NBAS: variants seen among roughly 807,000 people sequenced by gnomAD.
The protein encoded by NBAS is NAG/BC035112 fusion.
In NBAS, 219 loss-of-function variants were observed where a neutral mutation model predicts 302.5. The ratio of observed to expected loss-of-function variants is 0.72; its 90% CI spans 0.65 to 0.81. The LOEUF is 0.81. Ranked by LOEUF, NBAS falls within the 30% of genes least tolerant of loss-of-function variation. The pLI is 0.00. For synonymous variants in NBAS, 1,118 were observed against 1,021.6 expected (o/e 1.09, Z -1.80); for missense variants, 2,932 against 2,841.6 (o/e 1.03, Z -0.72).
the NBAS span, among the ~76,000 whole-genome samples, chr2:15,031,698 T>C: frequency 6.6e-6 from 1 of 152,240 alleles, no homozygotes; most frequent in Non-Finnish European, 1.5e-5. Flanking sequence ...ACCCAACTTA[T>C]TCATGCCTGT....
At chr2:15,481,159 C>T (rs1183924708) in intron 12 of NBAS, among the ~76,000 whole-genome samples, 1 of 152,168 alleles carries the variant, frequency 6.6e-6, no homozygotes, top group Non-Finnish European at 1.5e-5. Flanking sequence ...ATCAGCACTT[C>T]GTTCCTTTTT....
chr2:15,253,489 G>A (rs1305829365), intron 44 of NBAS, among the ~76,000 whole-genome samples: 1 of 152,082 alleles, frequency 6.6e-6, no homozygotes, highest in African/African-American at 2.4e-5. Context: ...CATTAACCTT[G>A]GGCCAGTGGT....
chr2:15,349,809 A>G (rs1673264512), intron 35 of NBAS, among the ~76,000 whole-genome samples: 1 of 152,184 alleles, frequency 6.6e-6, no homozygotes, highest in Non-Finnish European at 1.5e-5. Flanking sequence ...AATTAATTAA[A>G]TACATTTAAT....
chr2:15,240,794 T>TA (rs958676245), intron 44 of NBAS, among the ~76,000 whole-genome samples: 5 of 152,158 alleles, frequency 3.3e-5, no homozygotes, highest in South Asian at 4.1e-4. Context: ...TCTAAGCCAT[T>TA]AAAAAAATCA....
chr2:15,526,011 TAC>T (rs1662896733), intron 9 of NBAS, among the ~76,000 whole-genome samples: 3 of 152,104 alleles, frequency 2.0e-5, no homozygotes, highest in Non-Finnish European at 2.9e-5. Context: ...GCAAGCACAG[TAC>T]CCACCGTGAG....
chr2:14,790,720 C>T, the NBAS span, among the ~76,000 whole-genome samples: 3 of 146,144 alleles, frequency 2.1e-5, no homozygotes, highest in East Asian at 2.0e-4. Context: ...GGTGCGATCT[C>T]GGCTCACCAC....
intron 42 of NBAS, among the ~76,000 whole-genome samples, chr2:15,282,319 T>C (rs1669859124): frequency 6.6e-6 from 1 of 152,178 alleles, no homozygotes; most frequent in South Asian, 2.1e-4. Context: ...TTTAGAATTC[T>C]TTACAGTGTA....
chr2:15,053,300 C>A, the NBAS span, among the ~76,000 whole-genome samples: 10 of 152,122 alleles, frequency 6.6e-5, no homozygotes, highest in Non-Finnish European at 1.3e-4. Context: ...AAAATACTAA[C>A]CATGAAATAG....
the NBAS span, among the ~76,000 whole-genome samples, chr2:15,031,870 T>C: frequency 1.3e-5 from 2 of 152,178 alleles, no homozygotes. Flanking sequence ...TTATCCTGGA[T>C]CTTGCCAGGG....
chr2:14,830,615 G>A, the NBAS span, among the ~76,000 whole-genome samples: 1 of 152,168 alleles, frequency 6.6e-6, no homozygotes, highest in African/African-American at 2.4e-5. Context: ...TTGGCTGCTG[G>A]AGCATTTGTT....
intron 31 of NBAS, among the ~76,000 whole-genome samples, chr2:15,373,653 A>G (rs1046496027): frequency 6.6e-6 from 1 of 152,146 alleles, no homozygotes; most frequent in African/African-American, 2.4e-5. Context: ...CTGAGATGCA[A>G]AACTTTAACT....
At chr2:15,551,593 A>T in intron 5 of NBAS, 57 bp from the exon 6 acceptor site, 1 of 1,298,788 alleles carries the variant, frequency 7.7e-7, no homozygotes, top group Non-Finnish European at 1.1e-6. Flanking sequence ...ATAGAACCAT[A>T]AAATACCAGA....
chr2:15,102,964 G>A, the NBAS span, among the ~76,000 whole-genome samples: 8 of 146,288 alleles, frequency 5.5e-5, no homozygotes, highest in Non-Finnish European at 9.0e-5. Context: ...GGGCTACATG[G>A]GGAGGCATTA....
intron 51 of NBAS, among the ~76,000 whole-genome samples, chr2:15,172,417 C>A (rs1664341040): frequency 6.6e-6 from 1 of 152,142 alleles, no homozygotes; most frequent in African/African-American, 2.4e-5. Flanking sequence ...CATGAACATT[C>A]TAACCTATTG....
the NBAS span, among the ~76,000 whole-genome samples, chr2:14,942,113 A>AT: frequency 6.6e-6 from 1 of 152,210 alleles, no homozygotes; most frequent in African/African-American, 2.4e-5. Context: ...AAGAAGGGTG[A>AT]TTTTCCAAAA....
At chr2:14,862,800 G>T in the NBAS span, among the ~76,000 whole-genome samples, 2 of 152,146 alleles carry the variant, frequency 1.3e-5, no homozygotes, top group African/African-American at 2.4e-5. Flanking sequence ...AAAATTATTT[G>T]CTCACTCACA....
intron 11 of NBAS, among the ~76,000 whole-genome samples, chr2:15,491,398 T>C (rs1680847587): frequency 6.6e-6 from 1 of 152,212 alleles, no homozygotes; most frequent in Non-Finnish European, 1.5e-5. Flanking sequence ...TATCCAACCA[T>C]ACTTCCACAA....
At chr2:15,425,314 T>C (rs1558326444) in intron 22 of NBAS, among the ~76,000 whole-genome samples, 1 of 152,214 alleles carries the variant, frequency 6.6e-6, no homozygotes, top group Non-Finnish European at 1.5e-5. Context: ...GGAGTCAGAA[T>C]AGAATCAGAC....
intron 21 of NBAS, among the ~76,000 whole-genome samples, chr2:15,436,231 G>T (rs76462324): frequency 0.013 from 1,943 of 152,282 alleles, 32 homozygotes; most frequent in East Asian, 0.06. Flanking sequence ...AAAAGTCAAC[G>T]TAAGAGGAAG....
Sources: gnomAD v4.1 joint callset for allele counts (sites outside exome capture counted in the v4.1 genomes callset) on GRCh38, gnomAD v4.1.1 for gene constraint, MANE v1.5 for transcripts, NCBI Gene and HGNC (gene_info 2026-07-23, HGNC 2026-07-21) for gene names.